Variants in CENPP observed in about 807,000 individuals in gnomAD.
CENPP encodes the protein centromere protein P.
CENPP carries 24 observed loss-of-function variants against 35.6 expected under a neutral mutation model. The observed-to-expected ratio is 0.67, with a 90% CI of 0.49 to 0.95. The LOEUF is 0.95. CENPP is among the 40% of genes least tolerant of loss of function. The pLI, the probability that CENPP is intolerant of heterozygous loss-of-function variation, is 0.00. For missense variants in CENPP, 332 were observed against 345.3 expected, an observed-to-expected ratio of 0.96 and a Z score of 0.31; for synonymous variants, 120 against 125.5, an observed-to-expected ratio of 0.96 and a Z score of 0.29.
intron 5 of CENPP, among the ~76,000 whole-genome samples, chr9:92,533,601 G>T (rs1414536086): frequency 1.3e-5 from 2 of 151,668 alleles, no homozygotes; most frequent in Admixed American, 6.6e-5. Flanking sequence ...TTCTCAGCAG[G>T]TCTAATGATC....
chr9:92,526,785 C>A (rs991972297), intron 5 of CENPP, among the ~76,000 whole-genome samples: 1 of 151,834 alleles, frequency 6.6e-6, no homozygotes, highest in African/African-American at 2.4e-5. Context: ...AATAAAAAAA[C>A]TTTTTTATAA....
chr9:92,563,768 C>A (rs1041054371), intron 5 of CENPP, among the ~76,000 whole-genome samples: 2 of 140,186 alleles, frequency 1.4e-5, no homozygotes, highest in African/African-American at 2.8e-5. Context: ...CCCTCTTCCT[C>A]CCCCCTCCCT....
At chr9:92,326,380 T>G (rs779288173) in intron 1 of CENPP, among the ~76,000 whole-genome samples, 3 of 152,226 alleles carry the variant, frequency 2.0e-5, no homozygotes, top group Non-Finnish European at 4.4e-5. Flanking sequence ...GCTAGATAAT[T>G]CCGCCTCCAG....
chr9:92,466,312 T>A (rs772512883), intron 5 of CENPP: 5 of 1,241,434 alleles, frequency 4.0e-6, no homozygotes, highest in Non-Finnish European at 5.9e-6. Context: ...CTACATCTGC[T>A]TGTTTGTTAT....
At chr9:92,466,607 A>C (rs537347263) in intron 5 of CENPP, 2 of 1,546,256 alleles carry the variant, frequency 1.3e-6, no homozygotes, top group East Asian at 4.5e-5. Flanking sequence ...AATATTAGGA[A>C]GTGGATTTGA....
intron 5 of CENPP, among the ~76,000 whole-genome samples, chr9:92,567,279 CT>C (rs750730400): frequency 2.8e-4 from 42 of 150,854 alleles, no homozygotes; most frequent in Non-Finnish European, 5.2e-4. Context: ...TGTGATTTCA[CT>C]TTTCGTTTTC....
chr9:92,365,720 T>G (rs759402647), intron 4 of CENPP, among the ~76,000 whole-genome samples: 2 of 151,984 alleles, frequency 1.3e-5, no homozygotes, highest in Non-Finnish European at 2.9e-5. Flanking sequence ...CTATAACTAT[T>G]CTTATCCTCA....
intron 5 of CENPP, among the ~76,000 whole-genome samples, chr9:92,566,749 A>G (rs1238714198): frequency 6.6e-6 from 1 of 152,238 alleles, no homozygotes; most frequent in Non-Finnish European, 1.5e-5. Flanking sequence ...AAGAGGATCA[A>G]CTTATGCACT....
rs1287973144 is a variant in CENPP at position 92,393,057 on chromosome 9, T to C, written c.564+13198T>C. 2.5e-6 allele frequency: 4 copies of C among 1,586,130 alleles called. No homozygotes were observed. In the South Asian group the frequency reaches 4.5e-5, roughly 18 times the overall value. On this transcript the variant is annotated intron_variant, in intron 5 of 7. Coordinates refer to ENST00000375587, the MANE Select transcript of CENPP (RefSeq NM_001012267.3). ...TGAGTTAAATACTAATACGAGTTAA[T>C]ACTAATATCATATTTCAGCTTAACT...
At chr9:92,594,096 A>G (rs1253391292) in intron 5 of CENPP, among the ~76,000 whole-genome samples, 1 of 152,124 alleles carries the variant, frequency 6.6e-6, no homozygotes, top group Non-Finnish European at 1.5e-5. Flanking sequence ...AACAGGGGAA[A>G]CTGGGTGTGG....
chr9:92,523,854 A>G (rs2131250552), intron 5 of CENPP, among the ~76,000 whole-genome samples: 1 of 152,332 alleles, frequency 6.6e-6, no homozygotes, highest in South Asian at 2.1e-4. Context: ...TAACGGCGAT[A>G]AGAAGGCTTT....
At chr9:92,371,595 T>C (rs1280444263) in intron 4 of CENPP, among the ~76,000 whole-genome samples, 1 of 152,206 alleles carries the variant, frequency 6.6e-6, no homozygotes, top group Non-Finnish European at 1.5e-5. Context: ...AGTTGTTGGA[T>C]AGCATGTTCT....
rs564486379 is a variant in CENPP at position 92,582,031 on chromosome 9, T to TGTTTTGTTTG, written c.565-29274_565-29273insGGTTTTGTTT. ...AACACAGGGGAAAAACACTTGGTGGTGTTTTGTTTTGTTTTGTTTTGTTTT... is the reference window on the plus strand; with the variant it reads ...AACACAGGGGAAAAACACTTGGTGGTGTTTTGTTTGGTTTTGTTTTGTTTTGTTTTGTTTT... On this transcript the variant is annotated intron_variant, in intron 5 of 7. Transcript: ENST00000375587. Among the ~76,000 whole-genome samples, 590 of 79,216 alleles carry TGTTTTGTTTG rather than the reference T, an allele frequency of 7.4e-3. 5 individuals are homozygous for TGTTTTGTTTG. The highest frequency in any genetic ancestry group is 0.023 in the African/African-American group (533 of 22,700). 52.0% of individuals were successfully genotyped at this position (79,216 alleles called of 152,430 possible). A position where few individuals can be genotyped will look rare whatever the true frequency, so the allele number is the denominator to read the frequency against.
At chr9:92,400,934 A>G (rs572656833) in intron 5 of CENPP, among the ~76,000 whole-genome samples, 1 of 152,334 alleles carries the variant, frequency 6.6e-6, no homozygotes, top group Non-Finnish European at 1.5e-5. Context: ...GTGGGATGGC[A>G]AATGGTGTGC....
intron 5 of CENPP, chr9:92,610,842 G>A (rs1007075634): frequency 2.0e-4 from 36 of 182,974 alleles, no homozygotes; most frequent in African/African-American, 7.4e-4. Flanking sequence ...GTCCAGGCTC[G>A]GCCACAGCCC....
At chr9:92,557,474 C>T (rs1239896160) in intron 5 of CENPP, among the ~76,000 whole-genome samples, 2 of 152,090 alleles carry the variant, frequency 1.3e-5, no homozygotes, top group Non-Finnish European at 1.5e-5. Context: ...TAGGTTTGGT[C>T]GTTTAACATA....
intron 5 of CENPP, among the ~76,000 whole-genome samples, chr9:92,404,328 G>A (rs945981005): frequency 6.6e-6 from 1 of 152,164 alleles, no homozygotes; most frequent in Non-Finnish European, 1.5e-5. Context: ...ATTCTTGCCT[G>A]CGTGGATGTT....
intron 5 of CENPP, among the ~76,000 whole-genome samples, chr9:92,425,342 A>G (rs529141976): frequency 6.6e-6 from 1 of 152,354 alleles, no homozygotes; most frequent in African/African-American, 2.4e-5. Context: ...GTATTGAATA[A>G]AATGGGATGA....
At chr9:92,415,224 A>G in intron 5 of CENPP, 2 of 1,613,892 alleles carry the variant, frequency 1.2e-6, no homozygotes, top group Non-Finnish European at 1.7e-6. Context: ...TCTCATGAGC[A>G]TTGTCAGGAT....
Sources: allele counts gnomAD v4.1 joint callset (sites outside exome capture counted in the v4.1 genomes callset), GRCh38; gene constraint gnomAD v4.1.1; transcripts MANE v1.5; gene names NCBI Gene and HGNC (gene_info 2026-07-23, HGNC 2026-07-21).